The following GRIK2 variants were observed in gnomAD, a reference collection of about 807,000 sequenced individuals.
GRIK2 encodes the protein glutamate receptor ionotropic, kainate 2.
Under a neutral mutation model 100.3 loss-of-function variants are expected in GRIK2, and 32 were observed. That is an observed-to-expected ratio of 0.32 (90% CI 0.24 to 0.43). The LOEUF (loss-of-function observed/expected upper bound fraction) is 0.43. GRIK2 is among the 20% of genes least tolerant of loss of function. The pLI is 1.00. For synonymous variants in GRIK2, 417 were observed against 389.4 expected (o/e 1.07, Z -0.83); for missense variants, 843 against 1,114.9 (o/e 0.76, Z 3.47).
chr6:101,673,017 T>C (rs1770555342), intron 4 of GRIK2, among the ~76,000 whole-genome samples: 1 of 152,218 alleles, frequency 6.6e-6, no homozygotes, highest in South Asian at 2.1e-4. Flanking sequence ...TGAACTAATT[T>C]ACATTCCCAC....
intron 14 of GRIK2, among the ~76,000 whole-genome samples, chr6:101,961,627 G>A (rs1029493354): frequency 1.3e-5 from 2 of 152,102 alleles, no homozygotes; most frequent in African/African-American, 2.4e-5. Context: ...TGCAATGGGC[G>A]CAGTAATCTT....
In GRIK2 at chr6:101,729,417, T is replaced by C. The variant is rs1370304610; in HGVS notation, c.951+43064T>C. Among the ~76,000 whole-genome samples, 3 of 151,984 alleles carry C rather than the reference T, an allele frequency of 2.0e-5. No homozygotes were observed. In the East Asian group the frequency reaches 5.8e-4, roughly 29 times the overall value. On this transcript the variant is annotated intron_variant, in intron 7 of 16. Transcript: ENST00000369134. ...AGACATTAATTTTATCATTTTGCCATCATTGCAACTCCTTGGCTAATTGTT... is the reference window on the plus strand; with the variant it reads ...AGACATTAATTTTATCATTTTGCCACCATTGCAACTCCTTGGCTAATTGTT...
chr6:101,759,926 C>G (rs1005872013), intron 7 of GRIK2, among the ~76,000 whole-genome samples: 3 of 129,102 alleles, frequency 2.3e-5, no homozygotes, highest in Non-Finnish European at 4.5e-5. Flanking sequence ...CCAGGCCGGA[C>G]TGCGGACTGC....
chr6:101,718,040 G>T (rs1774191651), intron 7 of GRIK2, among the ~76,000 whole-genome samples: 1 of 151,290 alleles, frequency 6.6e-6, no homozygotes, highest in Non-Finnish European at 1.5e-5. Flanking sequence ...TCTTTGCCAG[G>T]TATTATACTC....
At chr6:101,597,310 C>T (rs1237412700) in intron 2 of GRIK2, among the ~76,000 whole-genome samples, 1 of 151,676 alleles carries the variant, frequency 6.6e-6, no homozygotes, top group African/African-American at 2.4e-5. Flanking sequence ...CATTTGTACC[C>T]AGACCTCAAC....
At chr6:101,443,399 A>G (rs750426420) in intron 2 of GRIK2, among the ~76,000 whole-genome samples, 1 of 152,184 alleles carries the variant, frequency 6.6e-6, no homozygotes, top group African/African-American at 2.4e-5. Context: ...AAGCACTAAA[A>G]ATACCTAGTG....
At chr6:101,869,125 A>T (rs1785231336) in intron 11 of GRIK2, among the ~76,000 whole-genome samples, 1 of 151,936 alleles carries the variant, frequency 6.6e-6, no homozygotes, top group Non-Finnish European at 1.5e-5. Flanking sequence ...TGAAGCACGT[A>T]TTCTACCTGA....
chr6:101,939,784 C>A (rs186843147), intron 14 of GRIK2, among the ~76,000 whole-genome samples: 2 of 152,070 alleles, frequency 1.3e-5, no homozygotes, highest in East Asian at 3.9e-4. Flanking sequence ...AAATAAAAAC[C>A]CAGCCTGACT....
chr6:101,461,807 G>T (rs1217608574), intron 2 of GRIK2, among the ~76,000 whole-genome samples: 5 of 152,052 alleles, frequency 3.3e-5, no homozygotes, highest in African/African-American at 9.7e-5. Context: ...ATATCAGTTG[G>T]GTTAAATTGG....
chr6:101,671,662 G>A (rs1159827611), intron 4 of GRIK2, among the ~76,000 whole-genome samples: 5 of 152,092 alleles, frequency 3.3e-5, no homozygotes, highest in African/African-American at 4.8e-5. Context: ...TCAGGAGTTC[G>A]AGACCAGTCT....
At chr6:101,473,824 A>G (rs1234704098) in intron 2 of GRIK2, among the ~76,000 whole-genome samples, 1 of 151,900 alleles carries the variant, frequency 6.6e-6, no homozygotes, top group Non-Finnish European at 1.5e-5. Context: ...CGATCACTAA[A>G]TAGAAGGCAC....
chr6:101,468,609 T>G (rs566668212), intron 2 of GRIK2, among the ~76,000 whole-genome samples: 91 of 152,330 alleles, frequency 6.0e-4, no homozygotes, highest in African/African-American at 2.1e-3. Context: ...AGTTTGCTTT[T>G]GAAGTGCTTT....
chr6:101,796,689 T>G (rs1475024415), intron 7 of GRIK2, among the ~76,000 whole-genome samples: 1 of 152,112 alleles, frequency 6.6e-6, no homozygotes, highest in East Asian at 1.9e-4. Flanking sequence ...ACTTTTAGAT[T>G]ACTTGTACCT....
chr6:101,644,784 G>A, intron 4 of GRIK2, among the ~76,000 whole-genome samples: 1 of 151,676 alleles, frequency 6.6e-6, no homozygotes, highest in East Asian at 1.9e-4. Context: ...TCTAGCTCTG[G>A]TCTCAGGCAT....
intron 12 of GRIK2, among the ~76,000 whole-genome samples, chr6:101,908,813 C>T (rs1401695167): frequency 6.6e-6 from 1 of 151,046 alleles, no homozygotes. Context: ...TTCAGACAAA[C>T]TAAGGCAAAT....
chr6:101,791,575 G>A (rs539061222), intron 7 of GRIK2, among the ~76,000 whole-genome samples: 1 of 151,160 alleles, frequency 6.6e-6, no homozygotes, highest in African/African-American at 2.4e-5. Context: ...CTGAGAGACA[G>A]TTTGTTATAA....
At chr6:101,413,272 TTG>T (rs1775965947) in intron 2 of GRIK2, among the ~76,000 whole-genome samples, 1 of 151,988 alleles carries the variant, frequency 6.6e-6, no homozygotes, top group South Asian at 2.1e-4. Flanking sequence ...CTTCCTCTCT[TTG>T]TGTGTTGGGG....
intron 14 of GRIK2, among the ~76,000 whole-genome samples, chr6:101,946,770 G>A (rs773874713): frequency 9.9e-5 from 15 of 152,040 alleles, no homozygotes; most frequent in Non-Finnish European, 2.2e-4. Context: ...AGTTGGAGAG[G>A]GGGATGGAGG....
intron 2 of GRIK2, among the ~76,000 whole-genome samples, chr6:101,402,548 A>AG (rs925086367): frequency 4.6e-5 from 7 of 152,144 alleles, no homozygotes; most frequent in Non-Finnish European, 7.4e-5. Context: ...CAGCGACCTG[A>AG]GGGTCAACCA....
Sources: allele counts gnomAD v4.1 joint callset (sites outside exome capture counted in the v4.1 genomes callset), GRCh38; gene constraint gnomAD v4.1.1; transcripts MANE v1.5; gene names NCBI Gene and HGNC (gene_info 2026-07-23, HGNC 2026-07-21).